RBFOX1: variants seen among roughly 807,000 people sequenced by gnomAD.
RBFOX1 encodes the protein RNA binding protein fox-1 homolog 1.
In RBFOX1, 8 loss-of-function variants were observed where a neutral mutation model predicts 57.7. The observed-to-expected ratio is 0.14, with a 90% CI of 0.08 to 0.25. RBFOX1 has a LOEUF of 0.25. Ranked by LOEUF, RBFOX1 falls within the 10% of genes least tolerant of loss-of-function variation. The probability of loss-of-function intolerance (pLI) is 1.00; values close to 1 mark genes in which losing one functional copy is unlikely to be tolerated. For synonymous variants in RBFOX1, 326 were observed against 222.4 expected (o/e 1.47, Z -4.15); for missense variants, 611 against 548.5 (o/e 1.11, Z -1.14).
chr16:6,214,064 C>G (rs1480010940), intron 1 of RBFOX1, among the ~76,000 whole-genome samples: 4 of 152,194 alleles, frequency 2.6e-5, no homozygotes, highest in Non-Finnish European at 5.9e-5. Flanking sequence ...ATCTCTCATA[C>G]TCAAATAAGT....
chr16:5,657,622 C>CTCTTTCTTTCTTTCTTTCTT (rs913576502), intron 3 of RBFOX1, among the ~76,000 whole-genome samples: 4 of 102,998 alleles, frequency 3.9e-5, no homozygotes, highest in African/African-American at 1.8e-4. Flanking sequence ...CTTTCTTTCT[C>CTCTTTCTTTCTTTCTTTCTT]TCTTTCTTTC....
chr16:5,438,900 C>T (rs1429483972), intron 1 of RBFOX1, among the ~76,000 whole-genome samples: 1 of 151,986 alleles, frequency 6.6e-6, no homozygotes, highest in Non-Finnish European at 1.5e-5. Context: ...TGAAGAAGGT[C>T]TCTCTTGTCT....
At chr16:5,375,945 T>A (rs2065972908) in intron 1 of RBFOX1, among the ~76,000 whole-genome samples, 1 of 152,056 alleles carries the variant, frequency 6.6e-6, no homozygotes, top group Non-Finnish European at 1.5e-5. Flanking sequence ...GGTGGCTGGA[T>A]CATTTGAGGT....
At chr16:6,710,437 TC>T (rs546427699) in intron 3 of RBFOX1, among the ~76,000 whole-genome samples, 95 of 152,386 alleles carry the variant, frequency 6.2e-4, no homozygotes, top group African/African-American at 2.1e-3. Flanking sequence ...ATTCTTTTTT[TC>T]ATCCTAATTT....
At chr16:6,904,989 G>C (rs1465610330) in intron 3 of RBFOX1, among the ~76,000 whole-genome samples, 1 of 152,330 alleles carries the variant, frequency 6.6e-6, no homozygotes, top group South Asian at 2.1e-4. Context: ...CAGTCTGTCA[G>C]AGGTGCTGTG....
intron 4 of RBFOX1, among the ~76,000 whole-genome samples, chr16:7,264,522 G>C (rs185159316): frequency 6.6e-6 from 1 of 152,160 alleles, no homozygotes; most frequent in African/African-American, 2.4e-5. Context: ...TGCTGACCAC[G>C]TAGTCTCTGC....
chr16:5,710,571 C>T (rs2051448287), intron 3 of RBFOX1, among the ~76,000 whole-genome samples: 1 of 152,198 alleles, frequency 6.6e-6, no homozygotes, highest in Non-Finnish European at 1.5e-5. Context: ...TTAATCTTTT[C>T]TTCTCTGATT....
chr16:6,945,331 G>A (rs564396203), intron 3 of RBFOX1, among the ~76,000 whole-genome samples: 1 of 152,138 alleles, frequency 6.6e-6, no homozygotes, highest in South Asian at 2.1e-4. Flanking sequence ...TGCTTACCTA[G>A]GGCCAGACAG....
intron 4 of RBFOX1, among the ~76,000 whole-genome samples, chr16:7,163,972 T>C (rs1372281324): frequency 6.6e-6 from 1 of 152,212 alleles, no homozygotes; most frequent in Non-Finnish European, 1.5e-5. Flanking sequence ...TTTTTTCTAA[T>C]TTTAATTTCA....
chr16:6,904,599 T>TGAAAA (rs1366471899), intron 3 of RBFOX1, among the ~76,000 whole-genome samples: 5 of 64,034 alleles, frequency 7.8e-5, no homozygotes, highest in South Asian at 7.4e-4. Flanking sequence ...AGACTCTCTC[T>TGAAAA]AAAAAAAAAA....
At chr16:7,284,375 G>A (rs2095607558) in intron 4 of RBFOX1, among the ~76,000 whole-genome samples, 1 of 152,078 alleles carries the variant, frequency 6.6e-6, no homozygotes. Context: ...CTGTATCCCA[G>A]GCTGTAGTAC....
chr16:5,455,021 TTC>T (rs1217706493), intron 1 of RBFOX1, among the ~76,000 whole-genome samples: 1 of 113,126 alleles, frequency 8.8e-6, no homozygotes, highest in African/African-American at 3.4e-5. Flanking sequence ...CTTTCTTTCT[TTC>T]TCTCTCTCTG....
At chr16:5,617,985 G>T (rs1043375662) in intron 3 of RBFOX1, among the ~76,000 whole-genome samples, 1 of 152,122 alleles carries the variant, frequency 6.6e-6, no homozygotes, top group African/African-American at 2.4e-5. Flanking sequence ...CCCAGGAAAT[G>T]GTTGGCAATT....
At chr16:7,469,884 C>T (rs1411161181) in intron 4 of RBFOX1, among the ~76,000 whole-genome samples, 1 of 152,146 alleles carries the variant, frequency 6.6e-6, no homozygotes, top group East Asian at 1.9e-4. Context: ...TTCTGTCTCT[C>T]TGAGTTTGAC....
At position 7,693,490 on chromosome 16, in the gene RBFOX1, A is replaced by C. The variant is rs1441513044; in HGVS notation, c.996-15566A>C. 2.1e-5 allele frequency: 16 copies of C among 745,980 alleles called. No homozygotes were observed. In the East Asian group the frequency reaches 4.0e-4, roughly 18 times the overall value. 46.2% of individuals were successfully genotyped at this position (745,980 alleles called of 1,614,324 possible). A position where few individuals can be genotyped will look rare whatever the true frequency, so the allele number is the denominator to read the frequency against. On this transcript the variant is annotated intron_variant, in intron 14 of 15. Transcript: ENST00000550418. ...GAAAGTTTAGTTAAGAAAAAAAAAA[A>C]AGATCTTATATCTTTGGAGTACAGC...
chr16:7,184,129 A>G (rs760059244), intron 4 of RBFOX1, among the ~76,000 whole-genome samples: 1 of 152,190 alleles, frequency 6.6e-6, no homozygotes, highest in Non-Finnish European at 1.5e-5. Flanking sequence ...ACTGACAGGA[A>G]AGGGCTTTGT....
At chr16:6,483,580 G>A (rs539081677) in intron 2 of RBFOX1, 1 of 1,534,614 alleles carries the variant, frequency 6.5e-7, no homozygotes, top group African/African-American at 1.4e-5. Context: ...AACACTGTCA[G>A]GGAAGGAGAG....
At chr16:6,620,703 C>T (rs2098216960) in intron 2 of RBFOX1, among the ~76,000 whole-genome samples, 2 of 152,116 alleles carry the variant, frequency 1.3e-5, no homozygotes, top group South Asian at 4.1e-4. Flanking sequence ...ATACAAACAA[C>T]CATCACAAGA....
chr16:5,486,199 G>C (rs1040345103), intron 2 of RBFOX1, among the ~76,000 whole-genome samples: 6 of 152,214 alleles, frequency 3.9e-5, no homozygotes, highest in South Asian at 4.1e-4. Context: ...TGGTGATGGA[G>C]ACTTGACTGC....
Sources: gnomAD v4.1 joint callset for allele counts (sites outside exome capture counted in the v4.1 genomes callset) on GRCh38, gnomAD v4.1.1 for gene constraint, MANE v1.5 for transcripts, NCBI Gene and HGNC (gene_info 2026-07-23, HGNC 2026-07-21) for gene names.